The following MYO9A variants were observed in gnomAD, a reference collection of about 807,000 sequenced individuals.
MYO9A encodes myosin IXA.
Under a neutral mutation model 293.3 loss-of-function variants are expected in MYO9A, and 103 were observed. The ratio of observed to expected loss-of-function variants is 0.35; its 90% CI spans 0.30 to 0.41. The LOEUF is 0.41. Ranked by LOEUF, MYO9A falls within the 10% of genes least tolerant of loss-of-function variation. The pLI is 1.00. For synonymous variants in MYO9A, 1,001 were observed against 1,035.7 expected (o/e 0.97, Z 0.64); for missense variants, 2,685 against 3,033.0 (o/e 0.89, Z 2.69).
At chr15:71,894,408 C>G (rs2057265091) in intron 25 of MYO9A, among the ~76,000 whole-genome samples, 1 of 152,142 alleles carries the variant, frequency 6.6e-6, no homozygotes, top group Non-Finnish European at 1.5e-5. Flanking sequence ...AAAACTCCGT[C>G]TCTACCAAAA....
intron 2 of MYO9A, among the ~76,000 whole-genome samples, chr15:72,038,424 G>A (rs2078124561): frequency 6.6e-6 from 1 of 152,122 alleles, no homozygotes; most frequent in Admixed American, 6.5e-5. Context: ...ATAACTTTAA[G>A]AGAGTTCAAG....
At position 72,032,760 on chromosome 15, in the gene MYO9A, A is replaced by T. The variant is rs112339054; in HGVS notation, c.841-172T>A. On this transcript the variant is annotated intron_variant, in intron 2 of 41. Transcript: ENST00000356056. ...TTCACAGTTCAGGCAAAATTTTTTT[A>T]AAAAAAAAGCAATTAACAACTGAAA... 4.1e-3 allele frequency among the ~76,000 whole-genome samples: 623 copies of T among 151,128 alleles called. 3 individuals are homozygous for T. The highest frequency in any genetic ancestry group is 0.011 in the African/African-American group (432 of 41,104).
At chr15:72,116,022 G>A (rs960805357) in intron 1 of MYO9A, among the ~76,000 whole-genome samples, 1 of 152,152 alleles carries the variant, frequency 6.6e-6, no homozygotes, top group Non-Finnish European at 1.5e-5. Flanking sequence ...AAAAAAAACA[G>A]GCTATGTATA....
chr15:72,108,511 T>G (rs1459738274), intron 1 of MYO9A, among the ~76,000 whole-genome samples: 2 of 152,158 alleles, frequency 1.3e-5, no homozygotes, highest in Non-Finnish European at 2.9e-5. Context: ...GGAAGAGAAA[T>G]GTGGGAAGGA....
chr15:71,894,411 T>C (rs1026655125), intron 25 of MYO9A, among the ~76,000 whole-genome samples: 2 of 152,118 alleles, frequency 1.3e-5, no homozygotes, highest in Admixed American at 6.6e-5. Context: ...ACTCCGTCTC[T>C]ACCAAAAATA....
At chr15:72,109,816 A>T (rs960701228) in intron 1 of MYO9A, among the ~76,000 whole-genome samples, 4 of 151,660 alleles carry the variant, frequency 2.6e-5, no homozygotes, top group Admixed American at 2.0e-4. Context: ...GAATCACTTG[A>T]ACCTCGAAAG....
chr15:72,035,697 C>G (rs911388204), intron 2 of MYO9A, among the ~76,000 whole-genome samples: 1 of 152,138 alleles, frequency 6.6e-6, no homozygotes, highest in African/African-American at 2.4e-5. Flanking sequence ...CTCAGCTAAT[C>G]TGGAGGCTGA....
chr15:71,833,912 GAATT>G (rs200959521), intron 39 of MYO9A, among the ~76,000 whole-genome samples: 1,785 of 151,762 alleles, frequency 0.012, 53 homozygotes, highest in Admixed American at 0.057. Flanking sequence ...CATTAGAAAA[GAATT>G]AATTAATTAA....
At chr15:71,901,387 G>A in intron 22 of MYO9A, 47 bp from the exon 23 acceptor site, 3 of 1,550,202 alleles carry the variant, frequency 1.9e-6, no homozygotes. Flanking sequence ...GAAGAAATGA[G>A]AAATTTATTT....
At chr15:71,978,020 G>A (rs775861653) in intron 12 of MYO9A, 151 bp downstream of exon 12, 1 of 853,140 alleles carries the variant, frequency 1.2e-6, no homozygotes. Flanking sequence ...CTGGGTGACA[G>A]ATCAAGACTC....
intron 8 of MYO9A, among the ~76,000 whole-genome samples, chr15:72,005,944 T>A (rs111247683): frequency 1.3e-5 from 2 of 152,176 alleles, no homozygotes; most frequent in Admixed American, 6.5e-5. Flanking sequence ...AAGTTATTCA[T>A]AACTGTCAAA....
chr15:72,075,614 A>G (rs1397849273), intron 1 of MYO9A, among the ~76,000 whole-genome samples: 2 of 151,966 alleles, frequency 1.3e-5, no homozygotes, highest in East Asian at 3.8e-4. Context: ...AGAGAGGTCA[A>G]CACAAACTAT....
intron 35 of MYO9A, among the ~76,000 whole-genome samples, chr15:71,853,703 G>C (rs2055750673): frequency 6.6e-6 from 1 of 152,330 alleles, no homozygotes; most frequent in South Asian, 2.1e-4. Context: ...AATGAAACCA[G>C]AGTCAGTCCC....
intron 15 of MYO9A, among the ~76,000 whole-genome samples, chr15:71,947,520 C>T (rs1009675492): frequency 6.6e-6 from 1 of 151,998 alleles, no homozygotes; most frequent in African/African-American, 2.4e-5. Context: ...CCAAGTTACC[C>T]TTATGAAATT....
Position 71,904,050 on chromosome 15 carries a change from T to C in MYO9A, c.2767-11A>G, listed in dbSNP as rs1381957367. 1 of 1,599,740 alleles carries C rather than the reference T, an allele frequency of 6.3e-7. No homozygotes were observed. The highest frequency in any genetic ancestry group is 8.6e-7 in the Non-Finnish European group (1 of 1,168,858). ...GAACCTTAAGGGCAGCTAAAGCAAA[T>C]GGAAAAAAGATTAACCCAGAACAGT... On this transcript the variant is annotated splice_polypyrimidine_tract_variant and intron_variant, in intron 20 of 41. Transcript: ENST00000356056.
chr15:72,030,142 C>A (rs1236799056), intron 3 of MYO9A, among the ~76,000 whole-genome samples: 1 of 152,114 alleles, frequency 6.6e-6, no homozygotes, highest in Non-Finnish European at 1.5e-5. Context: ...AAATTTATTT[C>A]TTTTTCTGAA....
intron 1 of MYO9A, among the ~76,000 whole-genome samples, chr15:72,065,992 C>T (rs1214301693): frequency 6.6e-6 from 1 of 152,178 alleles, no homozygotes; most frequent in African/African-American, 2.4e-5. Context: ...GACATAAACA[C>T]GTCTTGAAAT....
At position 71,898,747 on chromosome 15, in the gene MYO9A, T is replaced by C. The variant is rs1316665371; in HGVS notation, c.3756A>G (p.Val1252=). Residue 1252 remains valine (V), a synonymous_variant, in exon 25 of 42, where the codon GTA becomes GTG. Coordinates refer to ENST00000356056, the MANE Select transcript of MYO9A (RefSeq NM_006901.4). ...CCTCCAAGGATCTGGGTCTCTCTCT[T>C]ACAAGCACATCTTCCTGCAAGTCCA... ...SGVDLQEDVL[V]RERPRSLEDL... is the part of the protein sequence containing the mutation. 2 of 1,614,058 alleles carry C rather than the reference T, an allele frequency of 1.2e-6. No homozygotes were observed. The highest frequency in any genetic ancestry group is 2.2e-5 in the South Asian group (2 of 91,068).
chr15:71,901,049 C>G (rs2057468195), intron 23 of MYO9A, 142 bp downstream of exon 23: 1 of 738,132 alleles, frequency 1.4e-6, no homozygotes, highest in Non-Finnish European at 2.1e-6. Context: ...GTGTTATGAG[C>G]ACTTCAAAAT....
Sources: allele counts gnomAD v4.1 joint callset (sites outside exome capture counted in the v4.1 genomes callset), GRCh38; gene constraint gnomAD v4.1.1; transcripts MANE v1.5; gene names NCBI Gene and HGNC (gene_info 2026-07-23, HGNC 2026-07-21).